PLEKHA7: variants seen among roughly 807,000 people sequenced by gnomAD.
PLEKHA7 encodes pleckstrin homology domain-containing family A member 7.
Under a neutral mutation model 170.0 loss-of-function variants are expected in PLEKHA7, and 104 were observed. The observed-to-expected ratio is 0.61, with a 90% CI of 0.52 to 0.72. The LOEUF is 0.72. Ranked by LOEUF, PLEKHA7 falls within the 30% of genes least tolerant of loss-of-function variation. The pLI is 0.00. For missense variants in PLEKHA7, 1,615 were observed against 1,671.7 expected, an observed-to-expected ratio of 0.97 and a Z score of 0.59; for synonymous variants, 648 against 660.8, an observed-to-expected ratio of 0.98 and a Z score of 0.30.
intron 3 of PLEKHA7, among the ~76,000 whole-genome samples, chr11:16,930,490 C>G (rs11024080): frequency 0.25 from 38,186 of 152,130 alleles, 5,802 homozygotes; most frequent in Non-Finnish European, 0.36. Flanking sequence ...GCAAAACCAC[C>G]AGGACAGGAT....
At position 16,855,805 on chromosome 11, in the gene PLEKHA7, T is replaced by G. The variant is rs1053637296; in HGVS notation, c.415A>C (p.Lys139Gln). 26 of 1,603,554 alleles carry G rather than the reference T, an allele frequency of 1.6e-5. No homozygotes were observed. The highest frequency in any genetic ancestry group is 2.2e-5 in the Non-Finnish European group (26 of 1,172,072). Residue 139 changes from lysine to glutamine, a missense_variant and splice_region_variant, in exon 5 of 27, where the codon AAG becomes CAG. By Grantham distance (53) the Lys-to-Gln change is moderately conservative. Coordinates refer to ENST00000531066, the MANE Select transcript of PLEKHA7 (RefSeq NM_001329630.2). ...ASTLEAKPGP[K>Q]IIKSSSKVHS... ...GGAACAAGTGGCCAGGAGCTCACCTTGGGTCCAGGCTTGGCCTCCAGGGTG... is the reference window on the plus strand; with the variant it reads ...GGAACAAGTGGCCAGGAGCTCACCTGGGGTCCAGGCTTGGCCTCCAGGGTG...
At chr11:16,877,538 C>T (rs557376573) in intron 3 of PLEKHA7, among the ~76,000 whole-genome samples, 11 of 152,184 alleles carry the variant, frequency 7.2e-5, no homozygotes, top group Non-Finnish European at 1.6e-4. Flanking sequence ...ATTAATGTGG[C>T]ATTTCTAAGG....
chr11:16,906,342 C>G (rs1170821752), intron 3 of PLEKHA7, among the ~76,000 whole-genome samples: 1 of 140,564 alleles, frequency 7.1e-6, no homozygotes, highest in Non-Finnish European at 1.5e-5. Flanking sequence ...CCCTCTCCCT[C>G]TCTTTCCACG....
intron 8 of PLEKHA7, among the ~76,000 whole-genome samples, chr11:16,847,712 G>A (rs1195000679): frequency 6.6e-6 from 1 of 151,968 alleles, no homozygotes; most frequent in Non-Finnish European, 1.5e-5. Flanking sequence ...CGCAGTGGCA[G>A]GTGCCTGTAA....
intron 4 of PLEKHA7, among the ~76,000 whole-genome samples, chr11:16,863,066 C>T (rs547925245): frequency 4.6e-5 from 7 of 152,206 alleles, no homozygotes; most frequent in South Asian, 2.1e-4. Flanking sequence ...CTAAATCTCA[C>T]GCCAGCTTTA....
At chr11:16,790,011 C>T in intron 21 of PLEKHA7, 133 bp from the exon 22 acceptor site, 3 of 818,336 alleles carry the variant, frequency 3.7e-6, no homozygotes, top group Non-Finnish European at 6.0e-6. Context: ...TCTTCTTCCT[C>T]CCCAGGGCAT....
At chr11:17,006,869 C>T (rs1441179956) in intron 3 of PLEKHA7, among the ~76,000 whole-genome samples, 3 of 152,210 alleles carry the variant, frequency 2.0e-5, no homozygotes, top group African/African-American at 7.2e-5. Flanking sequence ...CTGGTGTCTA[C>T]AAAATCCCCA....
chr11:16,956,670 G>C (rs1336532293), intron 3 of PLEKHA7, among the ~76,000 whole-genome samples: 1 of 152,148 alleles, frequency 6.6e-6, no homozygotes, highest in Admixed American at 6.6e-5. Context: ...TCATAGTCCT[G>C]GATTCCAAAG....
At chr11:16,786,086 T>G in intron 24 of PLEKHA7, 143 bp downstream of exon 24, 3 of 953,452 alleles carry the variant, frequency 3.1e-6, no homozygotes, top group Middle Eastern at 2.9e-4. Context: ...TGCCTTAAGC[T>G]GCTATCCATC....
intron 3 of PLEKHA7, among the ~76,000 whole-genome samples, chr11:16,997,368 AC>A (rs1471944691): frequency 6.6e-6 from 1 of 152,068 alleles, no homozygotes; most frequent in Non-Finnish European, 1.5e-5. Flanking sequence ...AAAATGCCAA[AC>A]CCTTCCACTG....
At chr11:16,797,940 C>T (rs74783796) in intron 17 of PLEKHA7, among the ~76,000 whole-genome samples, 15 of 152,078 alleles carry the variant, frequency 9.9e-5, no homozygotes, top group South Asian at 2.1e-4. Flanking sequence ...CCTTCTCCAA[C>T]GGTGATGGAA....
At chr11:16,850,151 C>T (rs1852804613) in intron 8 of PLEKHA7, among the ~76,000 whole-genome samples, 1 of 152,220 alleles carries the variant, frequency 6.6e-6, no homozygotes, top group Non-Finnish European at 1.5e-5. Context: ...TTACCTTGAG[C>T]TTTCCCGTGG....
Position 16,807,500 on chromosome 11 carries a change from T to C in PLEKHA7, c.2008-4205A>G, listed in dbSNP as rs555839511. On this transcript the variant is annotated intron_variant, in intron 13 of 26. Coordinates refer to ENST00000531066, the MANE Select transcript of PLEKHA7 (RefSeq NM_001329630.2). ...AAGGGACTTTTGCACAGGCTGGTTT[T>C]TGTGGGAGTGCAATTTCAGTGTTCA... 1.1e-4 allele frequency among the ~76,000 whole-genome samples: 16 copies of C among 152,288 alleles called. 1 individual carries two copies. The South Asian group carries it at 3.1e-3, about 30-fold the overall frequency.
chr11:16,833,598 G>A (rs1851289684), intron 9 of PLEKHA7, among the ~76,000 whole-genome samples: 1 of 152,156 alleles, frequency 6.6e-6, no homozygotes, highest in Non-Finnish European at 1.5e-5. Flanking sequence ...GCCATGGCTT[G>A]GTTATTGTTA....
At chr11:16,800,829 C>G in intron 17 of PLEKHA7, 145 bp downstream of exon 17, 2 of 686,730 alleles carry the variant, frequency 2.9e-6, no homozygotes, top group East Asian at 5.2e-5. Context: ...GGGGTGGCTC[C>G]TTTACAGGGG....
intron 4 of PLEKHA7, among the ~76,000 whole-genome samples, chr11:16,867,360 G>C (rs1211343402): frequency 6.6e-6 from 1 of 152,192 alleles, no homozygotes; most frequent in Non-Finnish European, 1.5e-5. Flanking sequence ...TGCTCCAGAA[G>C]AATTACCTAC....
intron 3 of PLEKHA7, among the ~76,000 whole-genome samples, chr11:16,906,244 AAG>A (rs1857663035): frequency 9.0e-6 from 1 of 110,932 alleles, no homozygotes; most frequent in South Asian, 2.8e-4. Context: ...GGAAGGAAGG[AAG>A]GAAGGAAGGA....
Position 16,886,192 on chromosome 11 carries a change from G to C in PLEKHA7, c.222-15010C>G, listed in dbSNP as rs74374421. Among the ~76,000 whole-genome samples, 106 of 152,180 alleles carry C rather than the reference G, an allele frequency of 7.0e-4. No individual in the cohort carries two copies. In the East Asian group the frequency reaches 0.019, roughly 27 times the overall value. Reference sequence around the variant, plus strand: ...CACTGGCAGTAGGCAGAGACTCCTGGAAAAGAAAAGCATCTAACCAGATGC... The same window carrying C: ...CACTGGCAGTAGGCAGAGACTCCTGCAAAAGAAAAGCATCTAACCAGATGC... On this transcript the variant is annotated intron_variant, in intron 3 of 26. Coordinates refer to ENST00000531066, the MANE Select transcript of PLEKHA7 (RefSeq NM_001329630.2).
At chr11:16,836,205 G>A (rs1851500771) in intron 9 of PLEKHA7, among the ~76,000 whole-genome samples, 1 of 152,208 alleles carries the variant, frequency 6.6e-6, no homozygotes, top group South Asian at 2.1e-4. Flanking sequence ...CCAGGCCCTA[G>A]ATGTGCCAGG....
Sources: allele counts gnomAD v4.1 joint callset (sites outside exome capture counted in the v4.1 genomes callset), GRCh38; gene constraint gnomAD v4.1.1; transcripts MANE v1.5; gene names NCBI Gene and HGNC (gene_info 2026-07-23, HGNC 2026-07-21).